The following CCDC102B variants were observed in gnomAD, a reference collection of about 807,000 sequenced individuals.
The protein encoded by CCDC102B is coiled-coil domain containing 102B, also known as coiled-coil domain-containing protein 102B.
Under a neutral mutation model 57.4 loss-of-function variants are expected in CCDC102B, and 75 were observed. The ratio of observed to expected loss-of-function variants is 1.31; its 90% CI spans 1.08 to 1.58. The LOEUF (loss-of-function observed/expected upper bound fraction) is 1.58. CCDC102B is among the 40% of genes most tolerant of loss of function. CCDC102B has a pLI of 0.00. For synonymous variants in CCDC102B, 206 were observed against 201.9 expected (o/e 1.02, Z -0.17); for missense variants, 636 against 582.6 (o/e 1.09, Z -0.94).
chr18:68,946,114 A>G (rs1046856387), intron 6 of CCDC102B, among the ~76,000 whole-genome samples: 8 of 152,194 alleles, frequency 5.3e-5, no homozygotes, highest in Admixed American at 4.6e-4. Flanking sequence ...AAAAATCAAC[A>G]TAGTTAAGTG....
chr18:68,876,771 A>T (rs1183848245), intron 5 of CCDC102B, among the ~76,000 whole-genome samples: 2 of 152,228 alleles, frequency 1.3e-5, no homozygotes, highest in African/African-American at 4.8e-5. Flanking sequence ...CAGGAAACAG[A>T]ATATATAAAA....
intron 7 of CCDC102B, among the ~76,000 whole-genome samples, chr18:69,045,399 G>A (rs895539322): frequency 1.3e-5 from 2 of 151,726 alleles, no homozygotes; most frequent in Non-Finnish European, 2.9e-5. Flanking sequence ...CAAAATTATG[G>A]TTTTAAATGT....
At chr18:68,857,034 TATATATA>T (rs1305953062) in intron 4 of CCDC102B, among the ~76,000 whole-genome samples, 6 of 129,204 alleles carry the variant, frequency 4.6e-5, no homozygotes, top group Admixed American at 3.7e-4. Flanking sequence ...ATAATATATT[TATATATA>T]ATATATAATA....
upstream of CCDC102B, among the ~76,000 whole-genome samples, chr18:68,793,664 A>G (rs1466908422): frequency 6.6e-6 from 1 of 152,090 alleles, no homozygotes; most frequent in Admixed American, 6.6e-5. Flanking sequence ...AAATGATGAG[A>G]CCAAGATATG....
chr18:68,929,837 C>CAT (rs201389732), intron 6 of CCDC102B, among the ~76,000 whole-genome samples: 7 of 151,714 alleles, frequency 4.6e-5, no homozygotes, highest in Non-Finnish European at 1.0e-4. Context: ...AATACACACA[C>CAT]ACACACATAT....
downstream of CCDC102B, among the ~76,000 whole-genome samples, chr18:69,057,617 G>A (rs980358063): frequency 3.9e-5 from 6 of 152,126 alleles, no homozygotes; most frequent in East Asian, 1.9e-4. Flanking sequence ...TTATAGGGAC[G>A]TTCCAGATTC....
Position 69,054,198 on chromosome 18 carries a change from T to C in CCDC102B, c.*61T>C. The C allele has an allele frequency of 6.7e-7, 1 of 1,484,646 alleles. No individual in the cohort carries two copies. Among genetic ancestry groups the C allele is most frequent in the Non-Finnish European group, 8.9e-7 (1 of 1,121,996 alleles). 92.0% of individuals were successfully genotyped at this position (1,484,646 alleles called of 1,614,324 possible). A position where few individuals can be genotyped will look rare whatever the true frequency, so the allele number is the denominator to read the frequency against. On this transcript the variant is annotated 3_prime_UTR_variant, in exon 8 of 8. Coordinates refer to ENST00000360242, the MANE Select transcript of CCDC102B (RefSeq NM_024781.3). ...CCTTAAAGACATTTCCATATCCTTT[T>C]CTTAAATATCAGTAAAATTGTTTTT...
At chr18:69,049,219 T>G (rs564044405) in intron 7 of CCDC102B, among the ~76,000 whole-genome samples, 1 of 152,142 alleles carries the variant, frequency 6.6e-6, no homozygotes, top group African/African-American at 2.4e-5. Context: ...GGCCCTGCTG[T>G]GTGATGTTCC....
intron 1 of CCDC102B, among the ~76,000 whole-genome samples, chr18:68,810,252 T>G (rs1256934523): frequency 6.6e-6 from 1 of 152,210 alleles, no homozygotes; most frequent in African/African-American, 2.4e-5. Context: ...AATTTTCAGA[T>G]AGATTTTAGT....
intron 6 of CCDC102B, among the ~76,000 whole-genome samples, chr18:68,909,392 T>C (rs1029079949): frequency 6.6e-6 from 1 of 152,212 alleles, no homozygotes; most frequent in African/African-American, 2.4e-5. Flanking sequence ...AAGGAAGTTC[T>C]ATATTCACTG....
intron 1 of CCDC102B, among the ~76,000 whole-genome samples, chr18:68,814,941 T>C (rs1261868111): frequency 6.7e-6 from 1 of 149,254 alleles, no homozygotes; most frequent in Non-Finnish European, 1.5e-5. Flanking sequence ...ATATCACTGC[T>C]AAAGTTTTTG....
intron 2 of CCDC102B, among the ~76,000 whole-genome samples, chr18:68,741,346 A>C (rs905174863): frequency 2.0e-5 from 3 of 152,142 alleles, no homozygotes; most frequent in East Asian, 3.9e-4. Context: ...AATGGCATGC[A>C]CCTTTCCCAG....
intron 2 of CCDC102B, among the ~76,000 whole-genome samples, chr18:68,725,374 G>C (rs569151557): frequency 6.6e-6 from 1 of 152,184 alleles, no homozygotes; most frequent in Non-Finnish European, 1.5e-5. Flanking sequence ...AGTACATTCA[G>C]CTAGTCTTTC....
intron 7 of CCDC102B, among the ~76,000 whole-genome samples, chr18:69,045,182 T>C (rs916095296): frequency 6.6e-6 from 1 of 152,114 alleles, no homozygotes; most frequent in East Asian, 1.9e-4. Flanking sequence ...AATTCACATA[T>C]TGAATTGGAG....
intron 6 of CCDC102B, among the ~76,000 whole-genome samples, chr18:68,926,801 G>C (rs1050440026): frequency 4.6e-5 from 7 of 151,928 alleles, no homozygotes; most frequent in African/African-American, 1.4e-4. Context: ...GTTCACATTT[G>C]ATTTATGTTC....
intron 5 of CCDC102B, among the ~76,000 whole-genome samples, chr18:68,881,620 G>A (rs1057441786): frequency 6.6e-6 from 1 of 152,058 alleles, no homozygotes; most frequent in Non-Finnish European, 1.5e-5. Context: ...GGCTGAGAAC[G>A]AGGGAACTAC....
chr18:68,758,435 T>G (rs1481933759), intron 2 of CCDC102B, among the ~76,000 whole-genome samples: 1 of 152,014 alleles, frequency 6.6e-6, no homozygotes, highest in Non-Finnish European at 1.5e-5. Context: ...GAGTAAAGAA[T>G]TATAATAGAT....
intron 1 of CCDC102B, among the ~76,000 whole-genome samples, chr18:68,827,185 A>T (rs1017437081): frequency 6.6e-6 from 1 of 152,160 alleles, no homozygotes; most frequent in African/African-American, 2.4e-5. Context: ...AGGAAATTCT[A>T]TAAACAGAAA....
At chr18:69,018,674 C>A (rs1343286123) in intron 7 of CCDC102B, among the ~76,000 whole-genome samples, 2 of 151,978 alleles carry the variant, frequency 1.3e-5, no homozygotes, top group Admixed American at 1.3e-4. Context: ...TTAATATGAA[C>A]CCTTTATAAG....
Sources: allele counts gnomAD v4.1 joint callset (sites outside exome capture counted in the v4.1 genomes callset), GRCh38; gene constraint gnomAD v4.1.1; transcripts MANE v1.5; gene names NCBI Gene and HGNC (gene_info 2026-07-23, HGNC 2026-07-21).